SCFD2: variants seen among roughly 807,000 people sequenced by gnomAD.
The protein encoded by SCFD2 is sec1 family domain containing 2.
In SCFD2, 54 loss-of-function variants were observed where a neutral mutation model predicts 58.9. The observed-to-expected ratio is 0.92, with a 90% CI of 0.74 to 1.15. The LOEUF (loss-of-function observed/expected upper bound fraction) is 1.15, where lower values mean the gene tolerates loss of function less well. Ranked by LOEUF, SCFD2 falls within the 50% of genes most tolerant of loss-of-function variation. The probability of loss-of-function intolerance (pLI) is 0.00; values close to 1 mark genes in which losing one functional copy is unlikely to be tolerated. For synonymous variants in SCFD2, 321 were observed against 335.9 expected, an observed-to-expected ratio of 0.96 and a Z score of 0.49; for missense variants, 805 against 836.6, an observed-to-expected ratio of 0.96 and a Z score of 0.47.
chr4:53,204,255 A>C (rs1383610809), intron 4 of SCFD2, among the ~76,000 whole-genome samples: 1 of 152,082 alleles, frequency 6.6e-6, no homozygotes. Context: ...TCTAACATGG[A>C]ATATGGAAGA....
intron 4 of SCFD2, among the ~76,000 whole-genome samples, chr4:53,171,692 T>A (rs1216680391): frequency 6.6e-6 from 1 of 152,180 alleles, no homozygotes; most frequent in African/African-American, 2.4e-5. Flanking sequence ...TGTTATTAAC[T>A]GTTCAGATTT....
At chr4:52,986,732 C>G (rs1721504939) in intron 5 of SCFD2, among the ~76,000 whole-genome samples, 1 of 151,920 alleles carries the variant, frequency 6.6e-6, no homozygotes, top group Admixed American at 6.6e-5. Context: ...ATCTCCTGAC[C>G]TCGTGATCCA....
intron 4 of SCFD2, among the ~76,000 whole-genome samples, chr4:53,226,312 G>A (rs1208593050): frequency 6.6e-6 from 1 of 151,914 alleles, no homozygotes; most frequent in Non-Finnish European, 1.5e-5. Context: ...ATGGGGGGGA[G>A]GGGACTAATT....
rs140286244 is a variant in SCFD2, at chr4:53,217,560, G to A, written c.1311+56266C>T. Among the ~76,000 whole-genome samples the A allele has an allele frequency of 1.7e-3, 252 of 152,290 alleles. 1 individual carries two copies. The highest frequency in any genetic ancestry group is 5.8e-3 in the African/African-American group (240 of 41,556). ...TCTCTGCACGTGAGATGGGTCTTGT[G>A]AATACAGCACACTGATGGGTCTTGA... is the stretch of plus-strand genomic sequence containing the variant. On this transcript the variant is annotated intron_variant, in intron 4 of 8. Transcript: ENST00000401642.
At chr4:53,204,934 A>G (rs1728362445) in intron 4 of SCFD2, among the ~76,000 whole-genome samples, 1 of 151,922 alleles carries the variant, frequency 6.6e-6, no homozygotes, top group Non-Finnish European at 1.5e-5. Flanking sequence ...AATTATTTCT[A>G]AATTGGAATG....
At chr4:53,258,254 T>C (rs1730708892) in intron 4 of SCFD2, among the ~76,000 whole-genome samples, 1 of 152,074 alleles carries the variant, frequency 6.6e-6, no homozygotes, top group African/African-American at 2.4e-5. Context: ...ATTTCTGAGA[T>C]TTTTGTGTAC....
chr4:53,329,109 C>T (rs983834067), intron 2 of SCFD2, among the ~76,000 whole-genome samples: 3 of 152,198 alleles, frequency 2.0e-5, no homozygotes, highest in African/African-American at 4.8e-5. Flanking sequence ...CACAGAGTCT[C>T]ACTGATTGCT....
At chr4:53,007,696 A>G (rs892646955) in intron 5 of SCFD2, among the ~76,000 whole-genome samples, 4 of 152,226 alleles carry the variant, frequency 2.6e-5, no homozygotes, top group African/African-American at 9.6e-5. Context: ...GTACTCTATC[A>G]AAGTTTGATA....
chr4:53,116,963 C>T (rs562739360), intron 5 of SCFD2, among the ~76,000 whole-genome samples: 1 of 152,292 alleles, frequency 6.6e-6, no homozygotes, highest in East Asian at 1.9e-4. Context: ...GTTGAAGAAG[C>T]TGATGAAGAA....
intron 3 of SCFD2, among the ~76,000 whole-genome samples, chr4:53,306,724 G>T (rs190663737): frequency 3.3e-5 from 5 of 152,238 alleles, no homozygotes; most frequent in African/African-American, 9.6e-5. Context: ...CATTGTAAGT[G>T]CTAAAAAGGC....
rs1385181136 is a variant in SCFD2 at position 53,184,337 on chromosome 4, T to A, written c.1312-38755A>T. 5.9e-5 allele frequency among the ~76,000 whole-genome samples: 9 copies of A among 152,170 alleles called. No homozygotes were observed. In the South Asian group the frequency reaches 1.7e-3, roughly 28 times the overall value. On this transcript the variant is annotated intron_variant, in intron 4 of 8. Transcript: ENST00000401642. ...AATTACAATTTCTGGGTCATCACCT[T>A]AAAGGGAACATACTCTACCCATCTG...
At chr4:53,248,865 C>G (rs947162392) in intron 4 of SCFD2, among the ~76,000 whole-genome samples, 25 of 152,192 alleles carry the variant, frequency 1.6e-4, no homozygotes, top group Non-Finnish European at 1.5e-4. Flanking sequence ...AAAAACAGAA[C>G]AGAAAAACTC....
chr4:52,900,912 G>T (rs888801588), intron 7 of SCFD2, among the ~76,000 whole-genome samples: 2 of 152,224 alleles, frequency 1.3e-5, no homozygotes, highest in African/African-American at 4.8e-5. Flanking sequence ...CAATGAGGGA[G>T]AGGCTCCGCG....
chr4:53,338,450 G>A (rs1198383828), intron 2 of SCFD2, among the ~76,000 whole-genome samples: 1 of 151,620 alleles, frequency 6.6e-6, no homozygotes, highest in Non-Finnish European at 1.5e-5. Context: ...GAAAACTAAA[G>A]GCCAAGGAAA....
At chr4:53,336,697 T>C (rs151137332) in intron 2 of SCFD2, among the ~76,000 whole-genome samples, 25 of 152,260 alleles carry the variant, frequency 1.6e-4, no homozygotes, top group African/African-American at 6.0e-4. Context: ...CTTTCTTTTT[T>C]AGAGACGGAG....
At chr4:53,231,342 C>T (rs1323004433) in intron 4 of SCFD2, among the ~76,000 whole-genome samples, 3 of 152,092 alleles carry the variant, frequency 2.0e-5, no homozygotes, top group Admixed American at 1.3e-4. Context: ...ATGGATTCAG[C>T]CTTGCTGTCA....
At chr4:53,086,620 G>C (rs1724312218) in intron 5 of SCFD2, among the ~76,000 whole-genome samples, 1 of 152,148 alleles carries the variant, frequency 6.6e-6, no homozygotes, top group Non-Finnish European at 1.5e-5. Flanking sequence ...TCCAAGATTT[G>C]GAAGCAACCT....
chr4:52,895,176 C>CT (rs941768941), intron 7 of SCFD2, among the ~76,000 whole-genome samples: 31 of 148,382 alleles, frequency 2.1e-4, no homozygotes, highest in South Asian at 4.3e-4. Flanking sequence ...CTTGATCCAC[C>CT]TTTTTTTTTT....
chr4:53,069,452 G>C lies in SCFD2; in HGVS notation c.1561+75881C>G, dbSNP rs574570598. Among the ~76,000 whole-genome samples, 7 of 152,118 alleles carry C rather than the reference G, an allele frequency of 4.6e-5. No homozygotes were observed. The South Asian group carries it at 1.0e-3, about 23-fold the overall frequency. On this transcript the variant is annotated intron_variant, in intron 5 of 8. Transcript: ENST00000401642. ...CATACAGACTTCATCAGCAAAAGCA[G>C]CAAAATTTCAAATTTCCTGTGAAAT...
Sources: allele counts gnomAD v4.1 joint callset (sites outside exome capture counted in the v4.1 genomes callset), GRCh38; gene constraint gnomAD v4.1.1; transcripts MANE v1.5; gene names NCBI Gene and HGNC (gene_info 2026-07-23, HGNC 2026-07-21).